Variants in CDH13 observed in about 807,000 individuals in gnomAD.
The protein encoded by CDH13 is cadherin 13, also known as cadherin-13.
Under a neutral mutation model 63.8 loss-of-function variants are expected in CDH13, and 24 were observed. That is an observed-to-expected ratio of 0.38 (90% CI 0.27 to 0.53). CDH13 has a LOEUF of 0.53. Ranked by LOEUF, CDH13 falls within the 20% of genes least tolerant of loss-of-function variation. The pLI is 0.85. For missense variants in CDH13, 1,049 were observed against 903.1 expected, an observed-to-expected ratio of 1.16 and a Z score of -2.07; for synonymous variants, 503 against 355.3, an observed-to-expected ratio of 1.42 and a Z score of -4.67.
intron 3 of CDH13, among the ~76,000 whole-genome samples, chr16:83,093,798 G>C (rs928412183): frequency 2.0e-5 from 3 of 152,166 alleles, no homozygotes; most frequent in Admixed American, 6.5e-5. Flanking sequence ...CAGTCGGAAA[G>C]CATGTATAAG....
At chr16:83,330,644 C>T (rs1345782889) in intron 5 of CDH13, among the ~76,000 whole-genome samples, 2 of 152,146 alleles carry the variant, frequency 1.3e-5, no homozygotes, top group Non-Finnish European at 2.9e-5. Flanking sequence ...AAACAGAGGC[C>T]AACTCAGTAC....
chr16:82,952,978 T>A (rs1033546162), intron 2 of CDH13, among the ~76,000 whole-genome samples: 10 of 152,172 alleles, frequency 6.6e-5, no homozygotes, highest in Non-Finnish European at 1.3e-4. Context: ...ACTAAGCAAA[T>A]GTACTCAGCA....
At chr16:83,302,702 A>G (rs1335488900) in intron 5 of CDH13, among the ~76,000 whole-genome samples, 1 of 152,192 alleles carries the variant, frequency 6.6e-6, no homozygotes, top group African/African-American at 2.4e-5. Flanking sequence ...ATAAGTCAAC[A>G]AGATTACAAA....
At chr16:82,721,917 G>A (rs1297375378) in intron 1 of CDH13, among the ~76,000 whole-genome samples, 1 of 152,072 alleles carries the variant, frequency 6.6e-6, no homozygotes, top group Non-Finnish European at 1.5e-5. Context: ...GGGAATGGAA[G>A]GACCTGATGT....
intron 3 of CDH13, among the ~76,000 whole-genome samples, chr16:83,048,089 T>TA (rs1269375662): frequency 4.6e-5 from 7 of 152,288 alleles, no homozygotes; most frequent in African/African-American, 1.7e-4. Flanking sequence ...CCAAAAGGGT[T>TA]AAAATATAAT....
chr16:82,651,946 T>G (rs941077348), intron 1 of CDH13, among the ~76,000 whole-genome samples: 1 of 152,172 alleles, frequency 6.6e-6, no homozygotes. Flanking sequence ...GACTGAGAAT[T>G]CAGGAAGGGC....
intron 5 of CDH13, among the ~76,000 whole-genome samples, chr16:83,234,867 C>T (rs904640698): frequency 3.3e-5 from 5 of 152,138 alleles, no homozygotes; most frequent in African/African-American, 7.2e-5. Context: ...ACGTCCTCCC[C>T]TCCAGAGCCC....
intron 4 of CDH13, among the ~76,000 whole-genome samples, chr16:83,203,201 G>A (rs543333564): frequency 5.3e-5 from 8 of 152,064 alleles, no homozygotes; most frequent in Admixed American, 5.2e-4. Flanking sequence ...TCCAGCCTGG[G>A]CAACAAGAGC....
intron 5 of CDH13, among the ~76,000 whole-genome samples, chr16:83,302,627 G>A (rs1445737092): frequency 6.6e-6 from 1 of 152,190 alleles, no homozygotes; most frequent in African/African-American, 2.4e-5. Flanking sequence ...GGAATTAGGG[G>A]AGAAACAGTG....
chr16:82,673,191 C>T (rs1013007164), intron 1 of CDH13, among the ~76,000 whole-genome samples: 2 of 151,560 alleles, frequency 1.3e-5, no homozygotes, highest in Non-Finnish European at 2.9e-5. Flanking sequence ...TCGACGAAGC[C>T]CCGGGTAGGA....
chr16:83,320,558 A>G (rs1448831871), intron 5 of CDH13, among the ~76,000 whole-genome samples: 1 of 152,234 alleles, frequency 6.6e-6, no homozygotes, highest in Non-Finnish European at 1.5e-5. Flanking sequence ...ATTACCTATG[A>G]GAGTGTTTTC....
At chr16:83,180,268 G>A (rs112951846) in intron 4 of CDH13, among the ~76,000 whole-genome samples, 4 of 151,900 alleles carry the variant, frequency 2.6e-5, no homozygotes, top group African/African-American at 9.7e-5. Context: ...CTTTATTTTT[G>A]CTATTGTAGT....
At chr16:83,084,420 G>C (rs2033449315) in intron 3 of CDH13, among the ~76,000 whole-genome samples, 1 of 152,188 alleles carries the variant, frequency 6.6e-6, no homozygotes, top group Non-Finnish European at 1.5e-5. Context: ...ATTACTGTGT[G>C]ACCTCCTATT....
At chr16:83,534,486 C>A (rs1030435025) in intron 7 of CDH13, among the ~76,000 whole-genome samples, 1 of 152,214 alleles carries the variant, frequency 6.6e-6, no homozygotes, top group African/African-American at 2.4e-5. Flanking sequence ...TCAAATGTTA[C>A]AACCACTACC....
intron 7 of CDH13, among the ~76,000 whole-genome samples, chr16:83,582,603 C>G (rs183101753): frequency 2.0e-5 from 3 of 152,272 alleles, no homozygotes; most frequent in African/African-American, 7.2e-5. Flanking sequence ...TTAGGACACA[C>G]AGGAGCCTGA....
intron 6 of CDH13, among the ~76,000 whole-genome samples, chr16:83,379,463 C>A (rs1288734105): frequency 6.6e-6 from 1 of 152,132 alleles, no homozygotes; most frequent in Non-Finnish European, 1.5e-5. Flanking sequence ...TTTATGTTTA[C>A]CTTTGCCTAA....
intron 6 of CDH13, among the ~76,000 whole-genome samples, chr16:83,471,971 A>G (rs1372273687): frequency 6.6e-6 from 1 of 152,164 alleles, no homozygotes; most frequent in African/African-American, 2.4e-5. Flanking sequence ...ATCATTTCAC[A>G]CTAACCTTGC....
chr16:83,313,055 G>A (rs2090034499), intron 5 of CDH13, among the ~76,000 whole-genome samples: 1 of 152,208 alleles, frequency 6.6e-6, no homozygotes, highest in Non-Finnish European at 1.5e-5. Flanking sequence ...AGCTGAATCT[G>A]CTGTAGAAAG....
chr16:82,708,569 T>C (rs756083863), intron 1 of CDH13, among the ~76,000 whole-genome samples: 60 of 152,226 alleles, frequency 3.9e-4, no homozygotes, highest in Admixed American at 1.3e-4. Context: ...TCCTCTACTT[T>C]CTTGACCTTG....
Sources: gnomAD v4.1 joint callset for allele counts (sites outside exome capture counted in the v4.1 genomes callset) on GRCh38, gnomAD v4.1.1 for gene constraint, MANE v1.5 for transcripts, NCBI Gene and HGNC (gene_info 2026-07-23, HGNC 2026-07-21) for gene names.